The following COL25A1 variants were observed in gnomAD, a reference collection of about 807,000 sequenced individuals.
The protein encoded by COL25A1 is collagen type XXV alpha 1 chain, also known as collagen alpha-1(XXV) chain.
COL25A1 carries 103 observed loss-of-function variants against 128.4 expected under a neutral mutation model. The ratio of observed to expected loss-of-function variants is 0.80; its 90% confidence interval spans 0.68 to 0.94. COL25A1 has a LOEUF of 0.94. COL25A1 is among the 40% of genes least tolerant of loss of function. COL25A1 has a pLI of 0.00. For synonymous variants in COL25A1, 279 were observed against 277.2 expected (o/e 1.01, Z -0.06); for missense variants, 745 against 840.0 (o/e 0.89, Z 1.40).
At chr4:108,901,295 G>T in intron 13 of COL25A1, 123 bp from the exon 14 acceptor site, 1 of 708,758 alleles carries the variant, frequency 1.4e-6, no homozygotes. Flanking sequence ...GTGACTATTA[G>T]TTTAAATTCA....
intron 19 of COL25A1, among the ~76,000 whole-genome samples, chr4:108,869,547 A>G (rs1170734585): frequency 2.6e-5 from 4 of 152,142 alleles, no homozygotes; most frequent in Non-Finnish European, 5.9e-5. Flanking sequence ...TTTGATACCA[A>G]CCAGGGGAGT....
intron 3 of COL25A1, among the ~76,000 whole-genome samples, chr4:109,181,531 A>G (rs908657175): frequency 1.3e-5 from 2 of 152,154 alleles, no homozygotes; most frequent in Admixed American, 1.3e-4. Context: ...AAAGAACAAT[A>G]GCTAAATTTC....
intron 5 of COL25A1, among the ~76,000 whole-genome samples, chr4:109,013,849 C>A (rs1756945831): frequency 6.6e-6 from 1 of 152,148 alleles, no homozygotes; most frequent in South Asian, 2.1e-4. Flanking sequence ...CCATGAGAAT[C>A]CGTGGCTTCA....
chr4:109,098,408 T>C (rs527679287), intron 3 of COL25A1, among the ~76,000 whole-genome samples: 1 of 152,214 alleles, frequency 6.6e-6, no homozygotes, highest in African/African-American at 2.4e-5. Context: ...TACCAGCACC[T>C]GCTTTAATCA....
intron 3 of COL25A1, among the ~76,000 whole-genome samples, chr4:109,173,205 AC>A (rs1435038615): frequency 6.6e-6 from 1 of 151,688 alleles, no homozygotes; most frequent in Non-Finnish European, 1.5e-5. Context: ...CCCCTTTCAG[AC>A]CCCTGAATAG....
At chr4:108,875,655 G>A (rs769710627) in intron 19 of COL25A1, among the ~76,000 whole-genome samples, 3 of 152,162 alleles carry the variant, frequency 2.0e-5, no homozygotes, top group African/African-American at 2.4e-5. Flanking sequence ...ACAGTGTGGC[G>A]ACTCCTCAAG....
intron 16 of COL25A1, among the ~76,000 whole-genome samples, chr4:108,895,174 C>G (rs1741983153): frequency 6.6e-6 from 1 of 152,138 alleles, no homozygotes. Flanking sequence ...TCCTACCACA[C>G]ATGCCATATT....
intron 3 of COL25A1, among the ~76,000 whole-genome samples, chr4:109,188,114 T>C (rs1775294690): frequency 6.6e-6 from 1 of 152,184 alleles, no homozygotes; most frequent in Non-Finnish European, 1.5e-5. Flanking sequence ...AATTGCAATG[T>C]CAACTCTAAA....
At chr4:109,299,205 T>G (rs1369098944) in intron 3 of COL25A1, among the ~76,000 whole-genome samples, 1 of 152,184 alleles carries the variant, frequency 6.6e-6, no homozygotes, top group African/African-American at 2.4e-5. Context: ...ATCAGTGAAG[T>G]CCTGCACCAA....
At chr4:108,939,460 A>T (rs1747816436) in intron 10 of COL25A1, among the ~76,000 whole-genome samples, 2 of 152,212 alleles carry the variant, frequency 1.3e-5, no homozygotes. Context: ...GAAGTTTTAA[A>T]GTACGCTATA....
intron 3 of COL25A1, among the ~76,000 whole-genome samples, chr4:109,263,216 A>G (rs916548296): frequency 2.0e-5 from 3 of 152,224 alleles, no homozygotes; most frequent in African/African-American, 7.2e-5. Context: ...TTTACAATAT[A>G]TCATGTTGGG....
rs946985002 is a variant in COL25A1 at position 108,851,167 on chromosome 4, T to C, written c.1389+1069A>G. Among the ~76,000 whole-genome samples, 13 of 152,132 alleles carry C rather than the reference T, an allele frequency of 8.5e-5. No individual in the cohort carries two copies. In the South Asian group the frequency reaches 2.7e-3, roughly 32 times the overall value. On this transcript the variant is annotated intron_variant, in intron 26 of 37. Transcript: ENST00000399132. The stretch of plus-strand genomic sequence containing the variant: ...TGAATGGGGATCCAGGCAGTGTTGC[T>C]CACCAAGAATAAAGATTATATATAG...
rs900412864 is a variant in COL25A1 at position 109,302,029 on chromosome 4, G to A, written c.-10C>T. On this transcript the variant is annotated 5_prime_UTR_variant, in exon 2 of 38. Coordinates refer to ENST00000399132, the MANE Select transcript of COL25A1 (RefSeq NM_198721.4). ...GCTTCTTCAGCAGCATCGTGGCGGG[G>A]TCGGCCGTCTCGGCTTCGCTTCCCA... 6.4e-7 allele frequency: 1 copy of A among 1,573,050 alleles called. No individual in the cohort carries two copies. The highest frequency in any genetic ancestry group is 2.0e-4 in the Middle Eastern group (1 of 4,994).
intron 19 of COL25A1, among the ~76,000 whole-genome samples, chr4:108,882,833 G>C (rs1030537130): frequency 1.3e-4 from 20 of 152,012 alleles, no homozygotes; most frequent in Admixed American, 2.6e-4. Flanking sequence ...AACTAAAATT[G>C]CTGAATGCCA....
At chr4:109,102,872 C>T (rs961248637) in intron 3 of COL25A1, among the ~76,000 whole-genome samples, 1 of 152,092 alleles carries the variant, frequency 6.6e-6, no homozygotes, top group Non-Finnish European at 1.5e-5. Flanking sequence ...GCTCTTTATC[C>T]AATCTGAAAA....
At chr4:109,185,431 T>C (rs1408878037) in intron 3 of COL25A1, among the ~76,000 whole-genome samples, 1 of 152,196 alleles carries the variant, frequency 6.6e-6, no homozygotes, top group Non-Finnish European at 1.5e-5. Context: ...CTATGGATAA[T>C]CAGTCAGTAG....
chr4:109,178,648 C>T (rs540716538), intron 3 of COL25A1, among the ~76,000 whole-genome samples: 114 of 151,910 alleles, frequency 7.5e-4, no homozygotes, highest in African/African-American at 2.3e-3. Context: ...CATGGTGAAA[C>T]CCCGTCTCTA....
At chr4:109,297,502 T>G (rs2126290467) in intron 3 of COL25A1, among the ~76,000 whole-genome samples, 1 of 152,272 alleles carries the variant, frequency 6.6e-6, no homozygotes, top group East Asian at 1.9e-4. Context: ...AAGAATAATT[T>G]AGGAGACTTA....
chr4:108,877,687 C>A (rs1342071273), intron 19 of COL25A1, among the ~76,000 whole-genome samples: 1 of 151,150 alleles, frequency 6.6e-6, no homozygotes, highest in Non-Finnish European at 1.5e-5. Flanking sequence ...AACACATGAA[C>A]AACTACCATC....
Sources: gnomAD v4.1 joint callset for allele counts (sites outside exome capture counted in the v4.1 genomes callset) on GRCh38, gnomAD v4.1.1 for gene constraint, MANE v1.5 for transcripts, NCBI Gene and HGNC (gene_info 2026-07-23, HGNC 2026-07-21) for gene names.